The following TAFA5 variants were observed in gnomAD, a reference collection of about 807,000 sequenced individuals.
TAFA5 encodes the protein chemokine-like protein TAFA-5.
Under a neutral mutation model 15.3 loss-of-function variants are expected in TAFA5, and 6 were observed. The ratio of observed to expected loss-of-function variants is 0.39; its 90% CI spans 0.21 to 0.77. The LOEUF is 0.77. TAFA5 is among the 30% of genes least tolerant of loss of function. The pLI is 0.41. For missense variants in TAFA5, 161 were observed against 193.1 expected, an observed-to-expected ratio of 0.83 and a Z score of 0.98; for synonymous variants, 103 against 80.7, an observed-to-expected ratio of 1.28 and a Z score of -1.48.
chr22:48,536,093 C>T (rs1016956106), intron 1 of TAFA5, among the ~76,000 whole-genome samples: 6 of 152,240 alleles, frequency 3.9e-5, no homozygotes, highest in Non-Finnish European at 7.3e-5. Context: ...AGCGAGTTCC[C>T]GCATGGGTTG....
intron 1 of TAFA5, among the ~76,000 whole-genome samples, chr22:48,597,054 G>A (rs1345391729): frequency 2.6e-5 from 4 of 152,182 alleles, no homozygotes; most frequent in South Asian, 2.1e-4. Context: ...CGATCCTCCC[G>A]TCTTGGCCTC....
At chr22:48,556,441 T>G (rs1172552837) in intron 1 of TAFA5, among the ~76,000 whole-genome samples, 1 of 152,260 alleles carries the variant, frequency 6.6e-6, no homozygotes, top group Non-Finnish European at 1.5e-5. Flanking sequence ...TACACACATA[T>G]GCACGCGTGC....
At chr22:48,507,369 A>G (rs1921036562) in intron 1 of TAFA5, among the ~76,000 whole-genome samples, 2 of 152,162 alleles carry the variant, frequency 1.3e-5, no homozygotes, top group African/African-American at 2.4e-5. Context: ...TTGGGAGGGC[A>G]TGAGTTGAAG....
At position 48,542,243 on chromosome 22, in the gene TAFA5, CAT is replaced by C. The variant is rs1259270511; in HGVS notation, c.112+52542_112+52543del. ...GTGGTGTGTGTGCTGTGTGTGTGTG[CAT>C]ATGTGTGTGTATGTGTGTGTGGTGT... On this transcript the variant is annotated intron_variant, in intron 1 of 3. Transcript: ENST00000402357. Among the ~76,000 whole-genome samples, 13 of 95,290 alleles carry C rather than the reference CAT, an allele frequency of 1.4e-4. No individual in the cohort carries two copies. The East Asian group carries it at 2.2e-3, about 16-fold the overall frequency. The allele number at this position is 95,290 out of a possible 152,430, so 62.5% of individuals were successfully genotyped here.
intron 1 of TAFA5, among the ~76,000 whole-genome samples, chr22:48,582,326 T>TACCACACACAAAATAC (rs1344836826): frequency 6.8e-6 from 1 of 147,834 alleles, no homozygotes; most frequent in African/African-American, 2.5e-5. Flanking sequence ...ATACACCACA[T>TACCACACACAAAATAC]ACCACACACA....
intron 1 of TAFA5, among the ~76,000 whole-genome samples, chr22:48,622,348 C>G (rs1333582119): frequency 6.6e-6 from 1 of 152,182 alleles, no homozygotes; most frequent in East Asian, 1.9e-4. Flanking sequence ...TGGCCGGGCA[C>G]CTGCCTATGT....
intron 2 of TAFA5, among the ~76,000 whole-genome samples, chr22:48,655,124 C>G (rs566923868): frequency 2.6e-5 from 4 of 152,120 alleles, no homozygotes; most frequent in Non-Finnish European, 4.4e-5. Context: ...ATCCAGGATG[C>G]CCCAGGGTCC....
chr22:48,587,319 G>A (rs1924398561), intron 1 of TAFA5, among the ~76,000 whole-genome samples: 1 of 152,202 alleles, frequency 6.6e-6, no homozygotes, highest in South Asian at 2.1e-4. Context: ...GTCCTGGACT[G>A]CAGGGACTTG....
intron 2 of TAFA5, among the ~76,000 whole-genome samples, chr22:48,657,097 A>G (rs1306244373): frequency 6.6e-6 from 1 of 152,096 alleles, no homozygotes; most frequent in East Asian, 1.9e-4. Context: ...AAGATAAATG[A>G]AATTGACAAA....
At chr22:48,611,186 T>C (rs1043987112) in intron 1 of TAFA5, among the ~76,000 whole-genome samples, 6 of 152,300 alleles carry the variant, frequency 3.9e-5, no homozygotes, top group Admixed American at 1.3e-4. Flanking sequence ...CCGCCCGCCT[T>C]GGCCTCCCAA....
chr22:48,511,582 CTG>C (rs1391156142), intron 1 of TAFA5, among the ~76,000 whole-genome samples: 1 of 152,198 alleles, frequency 6.6e-6, no homozygotes, highest in Non-Finnish European at 1.5e-5. Flanking sequence ...AGACAAAACT[CTG>C]TGTTTTCTCC....
In TAFA5 at chr22:48,746,348, G is replaced by C. The variant is rs546666962; in HGVS notation, c.391-3491G>C. On this transcript the variant is annotated intron_variant, in intron 3 of 3. Transcript: ENST00000402357. ...TTCAACATAAGAGACATTGACATCA[G>C]CTGGACATGGTGGCACGTGCCTGTG... Among the ~76,000 whole-genome samples the C allele has an allele frequency of 6.0e-4, 91 of 152,252 alleles. 1 individual carries two copies. Among genetic ancestry groups the C allele is most frequent in the African/African-American group, 2.1e-3 (89 of 41,560 alleles).
chr22:48,626,252 C>T (rs1926022767), intron 1 of TAFA5, among the ~76,000 whole-genome samples: 1 of 152,200 alleles, frequency 6.6e-6, no homozygotes, highest in Admixed American at 6.5e-5. Context: ...GTATGTTCTG[C>T]CTTGTAAGAC....
chr22:48,577,269 TG>T (rs2147142850), intron 1 of TAFA5, among the ~76,000 whole-genome samples: 1 of 152,258 alleles, frequency 6.6e-6, no homozygotes, highest in South Asian at 2.1e-4. Context: ...TACTGGGGGT[TG>T]GGGGCAGGGC....
intron 1 of TAFA5, among the ~76,000 whole-genome samples, chr22:48,512,906 G>C (rs1430064204): frequency 1.6e-5 from 2 of 126,278 alleles, no homozygotes; most frequent in African/African-American, 3.0e-5. Context: ...CTGGGCGACA[G>C]AGCGAGACTC....
intron 1 of TAFA5, among the ~76,000 whole-genome samples, chr22:48,590,966 C>G (rs1601600283): frequency 1.3e-5 from 2 of 152,098 alleles, no homozygotes; most frequent in African/African-American, 4.8e-5. Context: ...GTTCTCCCGC[C>G]TCAGCCTCCT....
intron 3 of TAFA5, among the ~76,000 whole-genome samples, chr22:48,722,527 G>C (rs1929599270): frequency 6.6e-6 from 1 of 151,940 alleles, no homozygotes; most frequent in Non-Finnish European, 1.5e-5. Context: ...TGGACACAGG[G>C]AGGGGAACAT....
At position 48,751,418 on chromosome 22, in the gene TAFA5, A is replaced by G. The variant is rs962685079; in HGVS notation, c.*1571A>G. ...TTCGCCAGCCTCCTTCATTTTCCTG[A>G]GTTCCCGCTGAAGTATATACTACCT... On this transcript the variant is annotated 3_prime_UTR_variant, in exon 4 of 4. Transcript: ENST00000402357. 2.6e-5 allele frequency: 4 copies of G among 152,478 alleles called. No individual in the cohort carries two copies. The highest frequency in any genetic ancestry group is 5.9e-5 in the Non-Finnish European group (4 of 68,026). The allele number at this position is 152,478 out of a possible 1,614,324, so 9.4% of individuals were successfully genotyped here.
chr22:48,624,848 G>A (rs1047356984), intron 1 of TAFA5, among the ~76,000 whole-genome samples: 3 of 152,054 alleles, frequency 2.0e-5, no homozygotes, highest in Non-Finnish European at 2.9e-5. Flanking sequence ...GCCTGTCATC[G>A]CAGCACTTTG....
Sources: gnomAD v4.1 joint callset for allele counts (sites outside exome capture counted in the v4.1 genomes callset) on GRCh38, gnomAD v4.1.1 for gene constraint, MANE v1.5 for transcripts, NCBI Gene and HGNC (gene_info 2026-07-23, HGNC 2026-07-21) for gene names.